The following SCAF4 variants were observed in gnomAD, a reference collection of about 807,000 sequenced individuals.
SCAF4 encodes SR-related CTD associated factor 4, also known as SR-related and CTD-associated factor 4.
Under a neutral mutation model 129.8 loss-of-function variants are expected in SCAF4, and 25 were observed. That is an observed-to-expected ratio of 0.19 (90% CI 0.14 to 0.27). The LOEUF is 0.27. Ranked by LOEUF, SCAF4 falls within the 10% of genes least tolerant of loss-of-function variation. The pLI, the probability that SCAF4 is intolerant of heterozygous loss-of-function variation, is 1.00. For synonymous variants in SCAF4, 551 were observed against 497.7 expected (o/e 1.11, Z -1.43); for missense variants, 1,246 against 1,457.1 (o/e 0.86, Z 2.36).
intron 1 of SCAF4, among the ~76,000 whole-genome samples, chr21:31,718,877 A>G (rs770766534): frequency 1.3e-5 from 2 of 152,234 alleles, no homozygotes; most frequent in Admixed American, 1.3e-4. Flanking sequence ...CTAGTTCCGG[A>G]ATTTAAAGAA....
At chr21:31,700,717 G>A (rs888859623) in intron 7 of SCAF4, 2 of 407,274 alleles carry the variant, frequency 4.9e-6, no homozygotes, top group Non-Finnish European at 4.4e-6. Context: ...AGAATTTTCT[G>A]TTTCCTTTAC....
intron 19 of SCAF4, among the ~76,000 whole-genome samples, chr21:31,677,649 C>T (rs551757618): frequency 1.1e-4 from 17 of 152,064 alleles, no homozygotes; most frequent in Non-Finnish European, 2.5e-4. Flanking sequence ...CTCTCTCCCC[C>T]TCTTTCCTGC....
intron 12 of SCAF4, among the ~76,000 whole-genome samples, chr21:31,692,741 C>T (rs1240216696): frequency 6.6e-6 from 1 of 152,104 alleles, no homozygotes; most frequent in African/African-American, 2.4e-5. Flanking sequence ...AATAACTTGC[C>T]CACCTCACCC....
At chr21:31,706,728 G>C (rs573090339) in intron 1 of SCAF4, 59 of 230,880 alleles carry the variant, frequency 2.6e-4, no homozygotes, top group Admixed American at 7.5e-4. Context: ...GCAAACAAAA[G>C]GGAAAGGGAG....
intron 1 of SCAF4, among the ~76,000 whole-genome samples, chr21:31,715,894 T>A (rs979761490): frequency 6.6e-6 from 1 of 152,220 alleles, no homozygotes; most frequent in Non-Finnish European, 1.5e-5. Flanking sequence ...ATTTGGTATA[T>A]AGTTTTCACT....
chr21:31,704,439 T>C (rs1313867950), intron 3 of SCAF4, among the ~76,000 whole-genome samples: 2 of 151,970 alleles, frequency 1.3e-5, no homozygotes, highest in Non-Finnish European at 2.9e-5. Flanking sequence ...TTTCTGGTGG[T>C]AGTGGAAACA....
rs1372761345 is a variant in SCAF4 at position 31,685,174 on chromosome 21, A to G, written c.2363T>C (p.Val788Ala). Residue 788 changes from valine to alanine, a missense_variant, in exon 19 of 20, where the codon GTG (valine) becomes GCG (alanine). By Grantham distance (64) the Val-to-Ala change is moderately conservative (BLOSUM62 0). Coordinates refer to ENST00000286835, the MANE Select transcript of SCAF4 (RefSeq NM_020706.2). ...GGCGTTTCCTCTAGCCCCAGACACCACTGTTGGAATGGGATTTCCAATAGA... is the reference window on the plus strand; with the variant it reads ...GGCGTTTCCTCTAGCCCCAGACACCGCTGTTGGAATGGGATTTCCAATAGA... ...DLSIGNPIPT[V>A]VSGARGNAES... 3 of 1,612,510 alleles carry G rather than the reference A, an allele frequency of 1.9e-6. No individual in the cohort carries two copies. The highest frequency in any genetic ancestry group is 2.5e-6 in the Non-Finnish European group (3 of 1,179,180).
Position 31,693,455 on chromosome 21 carries a change from C to T in SCAF4, c.1352G>A (p.Gly451Asp). The change falls in exon 12 of 20, where the codon GGT becomes GAT. Residue 451 changes from glycine (G) to aspartate (D), a missense_variant. This residue lies in a region of SCAF4 where 468 missense variants were observed against 605.5 expected (regional missense o/e 0.77). Transcript: ENST00000286835. ...RSPKRRRSRS[G>D]SRSRRSRHRR... ...ATGCCGAGACCTTCGAGATCTAGAA[C>T]CAGATCTAGATCGCCTCCTTTTTGG... 1.3e-6 allele frequency: 2 copies of T among 1,535,150 alleles called. No individual in the cohort carries two copies. Among genetic ancestry groups the T allele is most frequent in the Non-Finnish European group, 1.8e-6 (2 of 1,127,658 alleles).
At chr21:31,710,995 T>C (rs2050787146) in intron 1 of SCAF4, among the ~76,000 whole-genome samples, 1 of 152,224 alleles carries the variant, frequency 6.6e-6, no homozygotes, top group Admixed American at 6.5e-5. Flanking sequence ...GTTAGCATTA[T>C]AAAGTTTCCA....
At chr21:31,727,084 TTTTC>T (rs1279139562) in intron 1 of SCAF4, among the ~76,000 whole-genome samples, 1 of 152,164 alleles carries the variant, frequency 6.6e-6, no homozygotes, top group Non-Finnish European at 1.5e-5. Flanking sequence ...TTGTACTTTT[TTTTC>T]TTTTTTTTAA....
At chr21:31,675,373 C>T (rs941532141) in intron 19 of SCAF4, among the ~76,000 whole-genome samples, 9 of 152,096 alleles carry the variant, frequency 5.9e-5, no homozygotes, top group East Asian at 1.9e-4. Context: ...GAAGGCCCCT[C>T]GAGAGTAGTT....
In SCAF4 at chr21:31,708,007, ATTC is replaced by A. The variant is rs546438567; in HGVS notation, c.31-1653_31-1651del. ...AAAGGATTCTCTAAATACGGCTGCAATTCTTCATTGTATTACTTCATTTACCAA... is the reference window on the plus strand; with the variant it reads ...AAAGGATTCTCTAAATACGGCTGCAATTCATTGTATTACTTCATTTACCAA... On this transcript the variant is annotated intron_variant, in intron 1 of 19. Coordinates refer to ENST00000286835, the MANE Select transcript of SCAF4 (RefSeq NM_020706.2). Among the ~76,000 whole-genome samples the A allele has an allele frequency of 2.5e-3, 384 of 152,358 alleles. 1 individual carries two copies. The highest frequency in any genetic ancestry group is 8.9e-3 in the African/African-American group (371 of 41,582).
At position 31,696,604 on chromosome 21, in the gene SCAF4, G is replaced by A. The variant is rs141446578; in HGVS notation, c.924C>T (p.Pro308=). 2.1e-5 allele frequency: 34 copies of A among 1,612,076 alleles called. No individual in the cohort carries two copies. The highest frequency in any genetic ancestry group is 1.2e-4 in the African/African-American group (9 of 74,824). ...GTGGAGGAGGAGGAGAGGCAGCAGC[G>A]GGTGCAGCAGCAGCAGGCACGGTGG... The part of the protein sequence containing the change: ...PTATVPAAAA[P]AAASPPPPQA... The change falls in exon 8 of 20, where the codon CCC becomes CCT. Residue 308 remains proline, a synonymous_variant. Transcript: ENST00000286835.
intron 1 of SCAF4, among the ~76,000 whole-genome samples, chr21:31,716,235 CT>C (rs1474053344): frequency 2.6e-5 from 4 of 152,076 alleles, no homozygotes; most frequent in African/African-American, 9.7e-5. Flanking sequence ...CCTAAATTTA[CT>C]TTGTAACGGA....
At position 31,688,483 on chromosome 21, in the gene SCAF4, T is replaced by C; in HGVS notation, c.1886-19A>G. ...TTCCAATCTGTGAGCGTGAAAGAAA[T>C]TTAACAAGAGTTTACCATTTTCAGT... On this transcript the variant is annotated intron_variant, in intron 15 of 19. Transcript: ENST00000286835. 1 of 1,601,302 alleles carries C rather than the reference T, an allele frequency of 6.2e-7. No homozygotes were observed. The highest frequency in any genetic ancestry group is 8.5e-7 in the Non-Finnish European group (1 of 1,170,050).
chr21:31,685,372 A>C, intron 18 of SCAF4, 26 bp downstream of exon 18: 1 of 1,588,946 alleles, frequency 6.3e-7, no homozygotes, highest in Non-Finnish European at 8.6e-7. Flanking sequence ...GAGGATAAGC[A>C]AACACAAAGA....
chr21:31,706,827 TC>T (rs35434784), intron 1 of SCAF4: 1 of 240,218 alleles, frequency 4.2e-6, no homozygotes, highest in Non-Finnish European at 8.4e-6. Context: ...CCAATGAGAG[TC>T]CAGCCTCTGA....
chr21:31,694,990 T>G lies in SCAF4; in HGVS notation c.1069-10A>C. The G allele has an allele frequency of 1.2e-6, 2 of 1,610,912 alleles. No homozygotes were observed. Among genetic ancestry groups the G allele is most frequent in the Non-Finnish European group, 8.5e-7 (1 of 1,177,944 alleles). On this transcript the variant is annotated splice_polypyrimidine_tract_variant and intron_variant, in intron 9 of 19. Coordinates refer to ENST00000286835, the MANE Select transcript of SCAF4 (RefSeq NM_020706.2). The stretch of plus-strand genomic sequence containing the variant: ...TAGGAGGAAGTGGAACCTTTCATTT[T>G]TAAAGAAAGTGTATGAGTAATAGCT...
At chr21:31,727,844 C>A (rs2051246227) in intron 1 of SCAF4, among the ~76,000 whole-genome samples, 1 of 151,940 alleles carries the variant, frequency 6.6e-6, no homozygotes, top group Non-Finnish European at 1.5e-5. Flanking sequence ...TTAGCAAATT[C>A]TTCACATTCA....
Sources: gnomAD v4.1 joint callset for allele counts (sites outside exome capture counted in the v4.1 genomes callset) on GRCh38, gnomAD v4.1.1 for gene constraint, gnomAD v4.1.1 regional missense constraint, MANE v1.5 for transcripts, NCBI Gene and HGNC (gene_info 2026-07-23, HGNC 2026-07-21) for gene names.